Variants in EVA1C observed in about 807,000 individuals in gnomAD.
EVA1C encodes the protein protein eva-1 homolog C.
EVA1C carries 25 observed loss-of-function variants against 45.4 expected under a neutral mutation model. The ratio of observed to expected loss-of-function variants is 0.55; its 90% CI spans 0.40 to 0.77. The LOEUF (loss-of-function observed/expected upper bound fraction) is 0.77, where lower values mean the gene tolerates loss of function less well. Ranked by LOEUF, EVA1C falls within the 30% of genes least tolerant of loss-of-function variation. The probability of loss-of-function intolerance (pLI) is 0.00; values close to 1 mark genes in which losing one functional copy is unlikely to be tolerated. For synonymous variants in EVA1C, 190 were observed against 221.2 expected (o/e 0.86, Z 1.25); for missense variants, 479 against 554.8 (o/e 0.86, Z 1.37).
At chr21:32,446,449 T>C (rs1190565341) in intron 1 of EVA1C, among the ~76,000 whole-genome samples, 1 of 152,210 alleles carries the variant, frequency 6.6e-6, no homozygotes, top group Non-Finnish European at 1.5e-5. Flanking sequence ...TTTTGACTGA[T>C]CCAACATGAT....
intron 3 of EVA1C, among the ~76,000 whole-genome samples, chr21:32,464,961 G>A (rs141969224): frequency 1.1e-4 from 16 of 152,320 alleles, no homozygotes; most frequent in Non-Finnish European, 1.9e-4. Flanking sequence ...ATGCCTTTCT[G>A]CAGGGATTAA....
Position 32,498,437 on chromosome 21 carries a change from C to A in EVA1C, c.779-2978C>A, listed in dbSNP as rs2037423800. Among the ~76,000 whole-genome samples, 5 of 126,826 alleles carry A rather than the reference C, an allele frequency of 3.9e-5. No homozygotes were observed. In the South Asian group the frequency reaches 7.9e-4, roughly 20 times the overall value. The allele number at this position is 126,826 out of a possible 152,430, so 83.2% of individuals were successfully genotyped here. On this transcript the variant is annotated intron_variant, in intron 5 of 7. Transcript: ENST00000300255. ...TTGGGTGACAAGGGTGAAACTCTGT[C>A]TCAAAAAAAAAAAAAAAAAAGAGAC...
At chr21:32,444,377 A>T (rs141337237) in intron 1 of EVA1C, among the ~76,000 whole-genome samples, 204 of 152,280 alleles carry the variant, frequency 1.3e-3, no homozygotes, top group African/African-American at 4.6e-3. Flanking sequence ...TGAGGTTCCC[A>T]TGACCCCCTC....
intron 7 of EVA1C, among the ~76,000 whole-genome samples, chr21:32,508,859 C>T (rs549530876): frequency 3.0e-4 from 46 of 152,224 alleles, no homozygotes; most frequent in Non-Finnish European, 5.4e-4. Context: ...GGTCCCCCTT[C>T]AGAGGCTCCC....
At chr21:32,451,170 T>C (rs1470657821) in intron 1 of EVA1C, among the ~76,000 whole-genome samples, 2 of 152,138 alleles carry the variant, frequency 1.3e-5, no homozygotes, top group Admixed American at 1.3e-4. Flanking sequence ...GAATTATGTT[T>C]CTGAGAGGAT....
At chr21:32,480,400 A>G (rs938793297) in intron 4 of EVA1C, among the ~76,000 whole-genome samples, 2 of 151,994 alleles carry the variant, frequency 1.3e-5, no homozygotes, top group African/African-American at 4.8e-5. Context: ...CAAATATACT[A>G]GTAAATGGGA....
intron 1 of EVA1C, among the ~76,000 whole-genome samples, chr21:32,428,155 G>A (rs758966399): frequency 1.3e-5 from 2 of 152,166 alleles, no homozygotes; most frequent in African/African-American, 4.8e-5. Context: ...ATGTTGCCAA[G>A]CATTAGTCCA....
intron 1 of EVA1C, among the ~76,000 whole-genome samples, chr21:32,450,324 C>T (rs1487455473): frequency 6.6e-6 from 1 of 151,856 alleles, no homozygotes; most frequent in Admixed American, 6.6e-5. Context: ...CTCCTCTCTT[C>T]ATGAACCTGG....
chr21:32,479,172 A>G (rs1412719190), intron 4 of EVA1C, among the ~76,000 whole-genome samples: 1 of 152,222 alleles, frequency 6.6e-6, no homozygotes, highest in Non-Finnish European at 1.5e-5. Context: ...TGTAATCCCA[A>G]CACTTTGGGA....
rs2036488713 is a variant in EVA1C at position 32,474,545 on chromosome 21, G to C, written c.634+6697G>C. On this transcript the variant is annotated intron_variant, in intron 4 of 7. Transcript: ENST00000300255. The surrounding 1 kb of genome is among the most constrained non-coding windows in gnomAD (Gnocchi z 4.4). ...TCCCTCTCTGGCGACCCTTTTGTTG[G>C]ACTTTCTCCACAGCATGGAGATAGA... is the stretch of plus-strand genomic sequence containing the variant. Among the ~76,000 whole-genome samples, 1 of 152,160 alleles carries C rather than the reference G, an allele frequency of 6.6e-6. No homozygotes were observed. Among genetic ancestry groups the C allele is most frequent in the African/African-American group, 2.4e-5 (1 of 41,430 alleles).
At chr21:32,494,598 C>T (rs1383496554) in intron 4 of EVA1C, among the ~76,000 whole-genome samples, 4 of 152,122 alleles carry the variant, frequency 2.6e-5, no homozygotes, top group African/African-American at 9.7e-5. Context: ...GCCTTGCCAA[C>T]ATGGTGAAAC....
chr21:32,445,485 G>A (rs1247403065), intron 1 of EVA1C, among the ~76,000 whole-genome samples: 1 of 152,192 alleles, frequency 6.6e-6, no homozygotes, highest in Non-Finnish European at 1.5e-5. Flanking sequence ...AACCAAATGG[G>A]AGGCAGGTTT....
chr21:32,480,242 G>C (rs1472798851), intron 4 of EVA1C, among the ~76,000 whole-genome samples: 2 of 144,786 alleles, frequency 1.4e-5, no homozygotes, highest in Non-Finnish European at 3.0e-5. Flanking sequence ...TGGAGGCTGT[G>C]GTGAGCAATA....
intron 3 of EVA1C, among the ~76,000 whole-genome samples, chr21:32,459,228 G>A (rs1459643551): frequency 1.3e-5 from 2 of 151,526 alleles, no homozygotes; most frequent in Admixed American, 6.6e-5. Context: ...TGTCATACAT[G>A]CTCACACACA....
intron 1 of EVA1C, among the ~76,000 whole-genome samples, chr21:32,421,772 G>A (rs2034281476): frequency 6.6e-6 from 1 of 152,194 alleles, no homozygotes; most frequent in Non-Finnish European, 1.5e-5. Context: ...GTCTGGGCAT[G>A]GTGGCTCATG....
chr21:32,463,789 G>GA lies in EVA1C; in HGVS notation c.482-3897dup, dbSNP rs11305869. ...TTAAATATTTTGATTTATAAAAAAAGAAAAAAAAAAGACTTCCATTTAAAA... is the reference window on the plus strand; with the variant it reads ...TTAAATATTTTGATTTATAAAAAAAGAAAAAAAAAAAGACTTCCATTTAAAA... On this transcript the variant is annotated intron_variant, in intron 3 of 7. Coordinates refer to ENST00000300255, the MANE Select transcript of EVA1C (RefSeq NM_058187.5). Among the ~76,000 whole-genome samples, 24 of 148,940 alleles carry GA rather than the reference G, an allele frequency of 1.6e-4. 1 individual carries two copies. The highest frequency in any genetic ancestry group is 1.4e-3 in the East Asian group (7 of 5,104).
intron 7 of EVA1C, among the ~76,000 whole-genome samples, chr21:32,512,474 G>GCTGCTGGAATTGA (rs893002609): frequency 6.6e-6 from 1 of 152,066 alleles, no homozygotes; most frequent in Non-Finnish European, 1.5e-5. Flanking sequence ...AGCTCAAGTC[G>GCTGCTGGAATTGA]CTGCTGGAAT....
At chr21:32,442,969 G>A (rs1003837657) in intron 1 of EVA1C, among the ~76,000 whole-genome samples, 1 of 136,788 alleles carries the variant, frequency 7.3e-6, no homozygotes, top group Non-Finnish European at 1.5e-5. Flanking sequence ...TATTAGGAAG[G>A]AAGAAGGGAA....
intron 7 of EVA1C, among the ~76,000 whole-genome samples, chr21:32,512,680 A>G (rs1234862519): frequency 6.6e-6 from 1 of 152,200 alleles, no homozygotes; most frequent in Non-Finnish European, 1.5e-5. Flanking sequence ...GGAAAAGACT[A>G]TAAATGGATG....
Sources: allele counts gnomAD v4.1 joint callset (sites outside exome capture counted in the v4.1 genomes callset), GRCh38; gene constraint gnomAD v4.1.1; non-coding constraint Gnocchi (gnomAD v3.1); transcripts MANE v1.5; gene names NCBI Gene and HGNC (gene_info 2026-07-23, HGNC 2026-07-21).